ALDH5A1: variants seen among roughly 807,000 people sequenced by gnomAD.
ALDH5A1 encodes succinate-semialdehyde dehydrogenase, mitochondrial.
Under a neutral mutation model 54.7 loss-of-function variants are expected in ALDH5A1, and 33 were observed. That is an observed-to-expected ratio of 0.60 (90% CI 0.46 to 0.81). The LOEUF is 0.81. Ranked by LOEUF, ALDH5A1 falls within the 30% of genes least tolerant of loss-of-function variation. The pLI is 0.00. For synonymous variants in ALDH5A1, 294 were observed against 292.7 expected (o/e 1.00, Z -0.05); for missense variants, 657 against 711.0 (o/e 0.92, Z 0.86).
At position 24,495,257 on chromosome 6, in the gene ALDH5A1, G is replaced by C; in HGVS notation, c.261G>C (p.Leu87=). ...AAGACCCGGCCAGCGGCGCCGCTCTGGGCATGGTAGCCGACTGCGGGGTGC... is the reference window on the plus strand; with the variant it reads ...AAGACCCGGCCAGCGGCGCCGCTCTCGGCATGGTAGCCGACTGCGGGGTGC... The part of the protein sequence containing the change: ...PVQDPASGAA[L]GMVADCGVRE... The change falls in exon 1 of 10, where the codon CTG becomes CTC. Residue 87 remains leucine, a synonymous_variant. Coordinates refer to ENST00000357578, the MANE Select transcript of ALDH5A1 (RefSeq NM_001080.3). The C allele has an allele frequency of 6.5e-7, 1 of 1,532,106 alleles. No homozygotes were observed. Among genetic ancestry groups the C allele is most frequent in the Non-Finnish European group, 8.7e-7 (1 of 1,145,928 alleles). The allele number at this position is 1,532,106 out of a possible 1,614,324, so 94.9% of individuals were successfully genotyped here.
At chr6:24,515,079 A>G (rs1759536655) in intron 4 of ALDH5A1, 88 bp from the exon 5 acceptor site, 1 of 1,439,426 alleles carries the variant, frequency 6.9e-7, no homozygotes, top group Admixed American at 2.0e-5. Flanking sequence ...TTTTTGGGTT[A>G]AGTATCTATT....
intron 4 of ALDH5A1, among the ~76,000 whole-genome samples, chr6:24,513,243 T>C (rs547508765): frequency 2.0e-5 from 3 of 151,996 alleles, no homozygotes; most frequent in Admixed American, 2.0e-4. Context: ...TTTTTATTTT[T>C]TCGTAGAGAT....
At chr6:24,529,675 T>TG (rs1561879922) in intron 8 of ALDH5A1, among the ~76,000 whole-genome samples, 1 of 138,418 alleles carries the variant, frequency 7.2e-6, no homozygotes, top group Non-Finnish European at 1.6e-5. Flanking sequence ...TTTGGGTTTT[T>TG]TTTTTTTTTT....
Position 24,494,988 on chromosome 6 carries a change from G to A in ALDH5A1, c.-9G>A. ...TTGCCTGTTTCCTGTCGCCGTCGTT[G>A]CCCGGGCCATGGCGACCTGCATTTG... On this transcript the variant is annotated 5_prime_UTR_variant, in exon 1 of 10. Transcript: ENST00000357578. 2.3e-6 allele frequency: 3 copies of A among 1,313,540 alleles called. No homozygotes were observed. The South Asian group carries it at 7.9e-5, about 34-fold the overall frequency. 81.4% of individuals were successfully genotyped at this position (1,313,540 alleles called of 1,614,324 possible).
chr6:24,522,765 A>C lies in ALDH5A1; in HGVS notation c.1015-2A>C, dbSNP rs769111673. On this transcript the variant is annotated splice_acceptor_variant, in intron 6 of 9. Coordinates refer to ENST00000357578, the MANE Select transcript of ALDH5A1 (RefSeq NM_001080.3). LOFTEE classifies it high-confidence loss of function. ...GTGGGTTTGTTTTTGTCTCCTGTCC[A>C]GACTTGTGTTTGCTCAAACCAATTC... 54 of 1,613,734 alleles carry C rather than the reference A, an allele frequency of 3.3e-5. No individual in the cohort carries two copies. Among genetic ancestry groups the C allele is most frequent in the Non-Finnish European group, 4.4e-5 (52 of 1,179,892 alleles).
At chr6:24,515,433 C>T (rs1759551770) in intron 5 of ALDH5A1, 123 bp downstream of exon 5, 2 of 1,243,796 alleles carry the variant, frequency 1.6e-6, no homozygotes, top group Non-Finnish European at 2.3e-6. Context: ...GTGTTAAAAG[C>T]TCTGTCGCAG....
chr6:24,512,876 G>T (rs1284662358), intron 4 of ALDH5A1, among the ~76,000 whole-genome samples: 1 of 151,980 alleles, frequency 6.6e-6, no homozygotes, highest in Non-Finnish European at 1.5e-5. Flanking sequence ...TTTTAGTAGA[G>T]ACGGGGTTTT....
intron 2 of ALDH5A1, among the ~76,000 whole-genome samples, chr6:24,502,874 A>AT (rs1275663347): frequency 2.7e-5 from 4 of 149,694 alleles, no homozygotes; most frequent in Non-Finnish European, 5.9e-5. Context: ...CACCATTCTG[A>AT]TTTTTTTCCA....
chr6:24,500,647 A>AAATAATAATAATAATAAT (rs35094488), intron 1 of ALDH5A1, among the ~76,000 whole-genome samples: 50 of 144,164 alleles, frequency 3.5e-4, no homozygotes, highest in African/African-American at 1.0e-3. Flanking sequence ...ACCGTATCTA[A>AAATAATAATAATAATAAT]AATAATAATA....
At chr6:24,532,033 A>C in intron 8 of ALDH5A1, 86 bp from the exon 9 acceptor site, 1 of 1,273,596 alleles carries the variant, frequency 7.9e-7, no homozygotes. Flanking sequence ...CCTTGTGATT[A>C]TTTGGGAAAC....
In ALDH5A1 at chr6:24,525,039, C is replaced by T. The variant is rs765509199; in HGVS notation, c.1173+2114C>T. On this transcript the variant is annotated intron_variant, in intron 7 of 9. Transcript: ENST00000357578. ...GCCAGGACTTCAAACAAGCAGACAG[C>T]GAGATTTCTTTTTTGCTGGAGAGAA... Among the ~76,000 whole-genome samples the T allele has an allele frequency of 7.9e-5, 12 of 152,054 alleles. 1 individual carries two copies. The highest frequency in any genetic ancestry group is 4.6e-4 in the Admixed American group (7 of 15,258).
intron 6 of ALDH5A1, 173 bp from the exon 7 acceptor site, chr6:24,522,594 T>C: frequency 1.5e-6 from 1 of 666,776 alleles, no homozygotes; most frequent in Non-Finnish European, 2.6e-6. Flanking sequence ...ATGCACTGAC[T>C]CAGTGCTTTT....
intron 7 of ALDH5A1, among the ~76,000 whole-genome samples, chr6:24,526,194 A>C (rs919595403): frequency 3.3e-5 from 5 of 152,142 alleles, no homozygotes; most frequent in African/African-American, 1.2e-4. Context: ...GCTGGAGCTG[A>C]GAAGGAGCTG....
intron 1 of ALDH5A1, among the ~76,000 whole-genome samples, chr6:24,500,955 G>T (rs2127381620): frequency 2.0e-5 from 3 of 152,230 alleles, no homozygotes; most frequent in Admixed American, 2.0e-4. Flanking sequence ...TGAAAAGTCT[G>T]TATGGCATGA....
intron 7 of ALDH5A1, among the ~76,000 whole-genome samples, chr6:24,526,876 CTA>C (rs71686753): frequency 0.23 from 27,547 of 122,204 alleles, 3,480 homozygotes; most frequent in Non-Finnish European, 0.28. Context: ...TATATATCTT[CTA>C]TATATATATT....
intron 4 of ALDH5A1, among the ~76,000 whole-genome samples, chr6:24,512,776 G>A (rs1161684179): frequency 1.3e-5 from 2 of 152,078 alleles, no homozygotes; most frequent in African/African-American, 2.4e-5. Context: ...TGCAATCTCC[G>A]CCTCCCTGGT....
At chr6:24,529,670 GTTT>G (rs55878931) in intron 8 of ALDH5A1, among the ~76,000 whole-genome samples, 9 of 86,320 alleles carry the variant, frequency 1.0e-4, no homozygotes, top group Admixed American at 4.7e-4. Context: ...TTTGGTTTGG[GTTT>G]TTTTTTTTTT....
At chr6:24,512,046 C>T (rs1204194062) in intron 4 of ALDH5A1, among the ~76,000 whole-genome samples, 1 of 152,158 alleles carries the variant, frequency 6.6e-6, no homozygotes, top group Non-Finnish European at 1.5e-5. Flanking sequence ...GTAGCTCCCC[C>T]TTTTCCTAGG....
intron 1 of ALDH5A1, among the ~76,000 whole-genome samples, chr6:24,496,031 T>G (rs1764697611): frequency 1.3e-5 from 2 of 152,190 alleles, no homozygotes; most frequent in African/African-American, 4.8e-5. Context: ...AAGTAGTTTC[T>G]TCCTTCTAAT....
Sources: gnomAD v4.1 joint callset for allele counts (sites outside exome capture counted in the v4.1 genomes callset) on GRCh38, gnomAD v4.1.1 for gene constraint, MANE v1.5 for transcripts, NCBI Gene and HGNC (gene_info 2026-07-23, HGNC 2026-07-21) for gene names.